The following SGCZ variants were observed in gnomAD, a reference collection of about 807,000 sequenced individuals.
SGCZ encodes the protein zeta-sarcoglycan.
A neutral mutation model predicts 41.3 loss-of-function variants in SGCZ; 40 were observed. The observed-to-expected ratio is 0.97, with a 90% CI of 0.75 to 1.26. SGCZ has a LOEUF of 1.26. SGCZ is among the 50% of genes most tolerant of loss of function. The pLI is 0.00. For missense variants in SGCZ, 552 were observed against 369.8 expected, an observed-to-expected ratio of 1.49 and a Z score of -4.04; for synonymous variants, 206 against 137.5, an observed-to-expected ratio of 1.50 and a Z score of -3.49.
intron 1 of SGCZ, among the ~76,000 whole-genome samples, chr8:14,975,196 C>T (rs1801424520): frequency 6.6e-6 from 1 of 152,196 alleles, no homozygotes; most frequent in South Asian, 2.1e-4. Flanking sequence ...GCCCCAGCTA[C>T]TTGGGAGGCT....
chr8:15,157,000 C>G lies in SGCZ; in HGVS notation c.39+80585G>C, dbSNP rs992825515. Among the ~76,000 whole-genome samples the G allele has an allele frequency of 2.0e-5, 3 of 151,464 alleles. No individual in the cohort carries two copies. The South Asian group carries it at 6.2e-4, about 32-fold the overall frequency. ...GAAAGAGAAAAGAAAGCAAGCACTT[C>G]TCAAATATTCTCAAATAGTTTCTTT... On this transcript the variant is annotated intron_variant, in intron 1 of 7. Coordinates refer to ENST00000382080, the MANE Select transcript of SGCZ (RefSeq NM_139167.4).
chr8:15,021,385 G>T (rs1283856834), intron 1 of SGCZ, among the ~76,000 whole-genome samples: 1 of 152,154 alleles, frequency 6.6e-6, no homozygotes, highest in Non-Finnish European at 1.5e-5. Context: ...GTGTGAAAGG[G>T]CCCGTTCAGA....
At chr8:14,803,005 T>G (rs1801375998) in intron 1 of SGCZ, among the ~76,000 whole-genome samples, 1 of 152,216 alleles carries the variant, frequency 6.6e-6, no homozygotes, top group African/African-American at 2.4e-5. Context: ...TCTTGCCCAC[T>G]GCTCCCTTGG....
intron 3 of SGCZ, among the ~76,000 whole-genome samples, chr8:14,280,945 G>GC (rs1800410099): frequency 6.6e-6 from 1 of 151,198 alleles, no homozygotes; most frequent in Admixed American, 6.6e-5. Context: ...GAATAAAAGT[G>GC]TTTTTTCTAA....
rs75328605 is a variant in SGCZ, at chr8:14,147,510, G to T, written c.547+17070C>A. Among the ~76,000 whole-genome samples the T allele has an allele frequency of 2.0e-3, 298 of 152,214 alleles. 1 individual carries two copies. Among genetic ancestry groups the T allele is most frequent in the African/African-American group, 6.7e-3 (279 of 41,538 alleles). Reference sequence around the variant, plus strand: ...GACAAAGGTATCGATTCAGCAAGAGGATATAACAATTTTAAATAGATCTGC... The same window carrying T: ...GACAAAGGTATCGATTCAGCAAGAGTATATAACAATTTTAAATAGATCTGC... On this transcript the variant is annotated intron_variant, in intron 5 of 7. Transcript: ENST00000382080.
At chr8:14,200,712 G>C (rs548839692) in intron 4 of SGCZ, among the ~76,000 whole-genome samples, 81 of 152,214 alleles carry the variant, frequency 5.3e-4, no homozygotes, top group African/African-American at 1.9e-3. Context: ...GTAGAGCATA[G>C]AATAAAGTCT....
At chr8:14,540,125 A>C (rs1419992636) in intron 2 of SGCZ, among the ~76,000 whole-genome samples, 2 of 151,166 alleles carry the variant, frequency 1.3e-5, no homozygotes, top group East Asian at 3.9e-4. Context: ...TCCTTTGTGT[A>C]TGTATACTAT....
At chr8:14,742,233 A>G (rs1221829364) in intron 1 of SGCZ, among the ~76,000 whole-genome samples, 2 of 152,066 alleles carry the variant, frequency 1.3e-5, no homozygotes, top group Non-Finnish European at 2.9e-5. Context: ...CAGGCATTTA[A>G]ACACTGACAA....
chr8:14,594,995 T>C (rs913153262), intron 1 of SGCZ, among the ~76,000 whole-genome samples: 3 of 151,958 alleles, frequency 2.0e-5, no homozygotes, highest in Admixed American at 6.5e-5. Flanking sequence ...CTTTGTTATA[T>C]ATTTTATATT....
chr8:14,207,138 G>A lies in SGCZ; in HGVS notation c.424+30454C>T, dbSNP rs190291151. On this transcript the variant is annotated intron_variant, in intron 4 of 7. Transcript: ENST00000382080. ...AATCATTTTTCAAGAAAGGGTAGAG[G>A]GTGATGGTGGCTATTCTTTTTTGCT... Among the ~76,000 whole-genome samples, 30 of 13,226 alleles carry A rather than the reference G, an allele frequency of 2.3e-3. No individual in the cohort carries two copies. The African/African-American group carries it at 0.045, about 20-fold the overall frequency. 8.7% of individuals were successfully genotyped at this position (13,226 alleles called of 152,430 possible).
At chr8:14,424,776 G>C (rs1164210426) in intron 2 of SGCZ, among the ~76,000 whole-genome samples, 1 of 152,074 alleles carries the variant, frequency 6.6e-6, no homozygotes, top group Non-Finnish European at 1.5e-5. Context: ...AAGACAATAA[G>C]CTTTTCAAAT....
intron 4 of SGCZ, among the ~76,000 whole-genome samples, chr8:14,233,613 C>T (rs539889110): frequency 7.0e-6 from 1 of 143,048 alleles, no homozygotes; most frequent in Non-Finnish European, 1.5e-5. Flanking sequence ...TATATATATT[C>T]TATATATATC....
At chr8:14,578,427 G>A (rs956378148) in intron 1 of SGCZ, among the ~76,000 whole-genome samples, 3 of 152,148 alleles carry the variant, frequency 2.0e-5, no homozygotes, top group East Asian at 1.9e-4. Context: ...TGCTCCCTGG[G>A]TTTGGTTCAT....
At chr8:14,955,978 G>T (rs1177153168) in intron 1 of SGCZ, among the ~76,000 whole-genome samples, 5 of 150,798 alleles carry the variant, frequency 3.3e-5, no homozygotes, top group African/African-American at 1.2e-4. Flanking sequence ...TTTCACATTT[G>T]GGATTTTAAT....
intron 2 of SGCZ, among the ~76,000 whole-genome samples, chr8:14,366,837 A>G (rs1314048205): frequency 6.6e-6 from 1 of 152,176 alleles, no homozygotes; most frequent in Non-Finnish European, 1.5e-5. Flanking sequence ...GGATAAAGGC[A>G]CAAAACCTTT....
At chr8:14,636,193 G>A (rs962295337) in intron 1 of SGCZ, among the ~76,000 whole-genome samples, 6 of 151,970 alleles carry the variant, frequency 3.9e-5, no homozygotes, top group South Asian at 2.1e-4. Context: ...AGATGAAGCG[G>A]CAGACATAAG....
intron 1 of SGCZ, among the ~76,000 whole-genome samples, chr8:15,179,084 G>T (rs997508129): frequency 6.6e-6 from 1 of 152,060 alleles, no homozygotes; most frequent in African/African-American, 2.4e-5. Context: ...GAGTTGTTTT[G>T]CTGGGAACAA....
At chr8:14,330,339 A>C (rs1021089247) in intron 2 of SGCZ, among the ~76,000 whole-genome samples, 10 of 152,116 alleles carry the variant, frequency 6.6e-5, no homozygotes, top group African/African-American at 2.4e-4. Flanking sequence ...TAAATAACAA[A>C]AACTCCAAAA....
intron 2 of SGCZ, among the ~76,000 whole-genome samples, chr8:14,408,658 C>A (rs1799274693): frequency 6.6e-6 from 1 of 152,106 alleles, no homozygotes; most frequent in Non-Finnish European, 1.5e-5. Context: ...TGGATGGTCC[C>A]AGGCTGTGAG....
Sources: gnomAD v4.1 joint callset for allele counts (sites outside exome capture counted in the v4.1 genomes callset) on GRCh38, gnomAD v4.1.1 for gene constraint, MANE v1.5 for transcripts, NCBI Gene and HGNC (gene_info 2026-07-23, HGNC 2026-07-21) for gene names.